Variants in ZNF25 observed in about 807,000 individuals in gnomAD.
ZNF25 encodes zinc finger protein 25 (KOX 19).
Under a neutral mutation model 30.9 loss-of-function variants are expected in ZNF25, and 21 were observed. The ratio of observed to expected loss-of-function variants is 0.68; its 90% CI spans 0.48 to 0.98. The LOEUF is 0.98. ZNF25 is among the 50% of genes least tolerant of loss of function. ZNF25 has a pLI of 0.00. For synonymous variants in ZNF25, 169 were observed against 181.3 expected, an observed-to-expected ratio of 0.93 and a Z score of 0.55; for missense variants, 501 against 529.9, an observed-to-expected ratio of 0.95 and a Z score of 0.54.
intron 1 of ZNF25, 78 bp from the exon 2 acceptor site, chr10:37,971,885 T>G: frequency 2.2e-6 from 2 of 920,574 alleles, no homozygotes; most frequent in South Asian, 3.1e-5. Flanking sequence ...TTAGAAAGCA[T>G]AGTAAGGACC....
chr10:37,955,008 G>A (rs372394393), intron 4 of ZNF25, among the ~76,000 whole-genome samples: 2 of 152,028 alleles, frequency 1.3e-5, no homozygotes, highest in African/African-American at 4.8e-5. Flanking sequence ...ACAAAAATTA[G>A]CTGGATCTGG....
chr10:37,965,121 A>G (rs1274950231), intron 2 of ZNF25, among the ~76,000 whole-genome samples: 1 of 152,172 alleles, frequency 6.6e-6, no homozygotes, highest in Non-Finnish European at 1.5e-5. Context: ...TGAGAATGCA[A>G]GCATGAAGGA....
At chr10:37,959,946 G>T (rs921091545) in intron 2 of ZNF25, among the ~76,000 whole-genome samples, 1 of 151,456 alleles carries the variant, frequency 6.6e-6, no homozygotes, top group Non-Finnish European at 1.5e-5. Flanking sequence ...ACGGAGTCTC[G>T]CTCTGTCACC....
intron 2 of ZNF25, among the ~76,000 whole-genome samples, chr10:37,970,611 CAAACAAAACA>C (rs548077122): frequency 1.3e-5 from 2 of 152,200 alleles, no homozygotes; most frequent in East Asian, 1.9e-4. Context: ...TTTAAATGAG[CAAACAAAACA>C]AAACAAAACA....
In ZNF25 at chr10:37,952,156, G is replaced by T. The variant is rs752135623; in HGVS notation, c.1342C>A (p.His448Asn). Residue 448 changes from histidine to asparagine, a missense_variant, in exon 6 of 6, where the codon CAC (histidine) becomes AAC (asparagine). Physicochemically the swap from His to Asn is moderately conservative, Grantham distance 68. Transcript: ENST00000302609. ...TTCTCAGCATTCCTCTTCTTTGTGT[G>T]TGTCTTCTGATGTGCAGTGAGTTGT... ...KSQLTAHQKT[H>N]TKKRNAEK 6.3e-7 allele frequency: 1 copy of T among 1,580,286 alleles called. No homozygotes were observed. The highest frequency in any genetic ancestry group is 1.2e-5 in the South Asian group (1 of 85,988).
chr10:37,973,861 T>C (rs978842570), intron 1 of ZNF25, among the ~76,000 whole-genome samples: 1 of 152,144 alleles, frequency 6.6e-6, no homozygotes, highest in Non-Finnish European at 1.5e-5. Flanking sequence ...GGAGGCATTG[T>C]ACTACCAGAC....
Position 37,968,531 on chromosome 10 carries a change from T to G in ZNF25, c.15+3177A>C, listed in dbSNP as rs183639090. On this transcript the variant is annotated intron_variant, in intron 2 of 5. Coordinates refer to ENST00000302609, the MANE Select transcript of ZNF25 (RefSeq NM_145011.4). ...CCACCAAGCCCAGCTAATTTTTGTA[T>G]TTTTAGTAGAGACAGGGTTTCACCA... 9.8e-3 allele frequency among the ~76,000 whole-genome samples: 1,488 copies of G among 152,174 alleles called. 9 individuals carry two copies. The highest frequency in any genetic ancestry group is 0.02 in the Middle Eastern group (6 of 294).
intron 4 of ZNF25, 32 bp downstream of exon 4, chr10:37,956,988 A>G: frequency 6.5e-7 from 1 of 1,546,478 alleles, no homozygotes; most frequent in Non-Finnish European, 8.9e-7. Context: ...ACTACTCACC[A>G]GTAACATGGG....
At chr10:37,970,214 G>T (rs1271131690) in intron 2 of ZNF25, among the ~76,000 whole-genome samples, 1 of 152,088 alleles carries the variant, frequency 6.6e-6, no homozygotes, top group African/African-American at 2.4e-5. Context: ...CATGGTGATA[G>T]ATGCAAAAAT....
chr10:37,953,736 A>G lies in ZNF25; in HGVS notation c.261T>C (p.Asp87=). 4 of 1,613,984 alleles carry G rather than the reference A, an allele frequency of 2.5e-6. No individual in the cohort carries two copies. Among genetic ancestry groups the G allele is most frequent in the Non-Finnish European group, 3.4e-6 (4 of 1,179,930 alleles). Residue 87 remains aspartate (D), a synonymous_variant, in exon 5 of 6, where the codon GAT becomes GAC. Transcript: ENST00000302609. ...GGCTTTCCTGGTATCTTGCTTCTAG[A>G]TCATGAATGCTCCATAGGTCTTCTA... ...GFPEDLWSIH[D]LEARYQESQA...
chr10:37,961,116 T>G (rs1347600784), intron 2 of ZNF25, among the ~76,000 whole-genome samples: 3 of 152,246 alleles, frequency 2.0e-5, no homozygotes, highest in Non-Finnish European at 4.4e-5. Flanking sequence ...CAAGAGCTGA[T>G]GAAAAGACCC....
intron 2 of ZNF25, among the ~76,000 whole-genome samples, chr10:37,968,843 T>C (rs2063331885): frequency 6.6e-6 from 1 of 152,102 alleles, no homozygotes; most frequent in South Asian, 2.1e-4. Flanking sequence ...CCCACACATA[T>C]GGAGGGCCAA....
At chr10:37,967,215 G>A (rs1196301081) in intron 2 of ZNF25, among the ~76,000 whole-genome samples, 1 of 152,092 alleles carries the variant, frequency 6.6e-6, no homozygotes, top group Non-Finnish European at 1.5e-5. Flanking sequence ...CAATTCATAC[G>A]GAATTGCAAG....
chr10:37,957,542 G>C lies in ZNF25; in HGVS notation c.20C>G (p.Pro7Arg), dbSNP rs754248543. 6.2e-7 allele frequency: 1 copy of C among 1,612,522 alleles called. No individual in the cohort carries two copies. The highest frequency in any genetic ancestry group is 1.1e-5 in the South Asian group (1 of 90,720). Residue 7 changes from proline to arginine, a missense_variant, in exon 3 of 6, where the codon CCC (proline) becomes CGC (arginine). Pro to Arg is a moderately radical substitution (Grantham distance 103). Coordinates refer to ENST00000302609, the MANE Select transcript of ZNF25 (RefSeq NM_145011.4). ...CACAATAACATCCTTTAATGTCACG[G>C]GTCCCTGGAATAACATACTTCAGTT... MNKFQG[P>R]VTLKDVIVEF... is the part of the protein sequence containing the mutation.
intron 4 of ZNF25, among the ~76,000 whole-genome samples, chr10:37,955,488 C>T (rs552952294): frequency 6.6e-6 from 1 of 151,996 alleles, no homozygotes; most frequent in Non-Finnish European, 1.5e-5. Context: ...ATAAGCAGAA[C>T]TATCTTACAA....
intron 2 of ZNF25, among the ~76,000 whole-genome samples, chr10:37,960,735 A>C (rs977565712): frequency 1.3e-5 from 2 of 152,032 alleles, no homozygotes; most frequent in African/African-American, 4.8e-5. Flanking sequence ...TAAACATAAG[A>C]GTAAGCCAGG....
intron 2 of ZNF25, among the ~76,000 whole-genome samples, chr10:37,967,501 C>T (rs1298055099): frequency 1.3e-5 from 2 of 151,890 alleles, no homozygotes; most frequent in East Asian, 1.9e-4. Context: ...CCTGGACCTC[C>T]CCAGGCTCAG....
At position 37,951,164 on chromosome 10, in the gene ZNF25, A is replaced by G. The variant is rs2062123188; in HGVS notation, c.*963T>C. 6.6e-6 allele frequency: 1 copy of G among 152,244 alleles called. No individual in the cohort carries two copies. Among genetic ancestry groups the G allele is most frequent in the African/African-American group, 2.4e-5 (1 of 41,470 alleles). 9.4% of individuals were successfully genotyped at this position (152,244 alleles called of 1,614,324 possible). ...TTTACAAACACAAAAAAGGATAAAA[A>G]GATGCCTTATAATTTAAAAGGAATA... On this transcript the variant is annotated 3_prime_UTR_variant, in exon 6 of 6. Transcript: ENST00000302609.
rs1320617661 is a variant in ZNF25, at chr10:37,963,296, T to C, written c.16-5750A>G. ...CACCACCACATCCAGCTAATTTTTGTATTTTTAGTAGAGATGGGATTTCAC... is the reference window on the plus strand; with the variant it reads ...CACCACCACATCCAGCTAATTTTTGCATTTTTAGTAGAGATGGGATTTCAC... On this transcript the variant is annotated intron_variant, in intron 2 of 5. Transcript: ENST00000302609. Among the ~76,000 whole-genome samples the C allele has an allele frequency of 3.9e-5, 6 of 152,124 alleles. No homozygotes were observed. The East Asian group carries it at 9.7e-4, about 25-fold the overall frequency.
Sources: allele counts gnomAD v4.1 joint callset (sites outside exome capture counted in the v4.1 genomes callset), GRCh38; gene constraint gnomAD v4.1.1; transcripts MANE v1.5; gene names NCBI Gene and HGNC (gene_info 2026-07-23, HGNC 2026-07-21).